Variants in KCNJ3 observed in about 807,000 individuals in gnomAD.
KCNJ3 encodes the protein potassium inwardly rectifying channel subfamily J member 3, also known as G protein-activated inward rectifier potassium channel 1.
Under a neutral mutation model 39.2 loss-of-function variants are expected in KCNJ3, and 4 were observed. The observed-to-expected ratio is 0.10, with a 90% CI of 0.05 to 0.23. KCNJ3 has a LOEUF of 0.23. KCNJ3 is among the 10% of genes least tolerant of loss of function. The pLI, the probability that KCNJ3 is intolerant of heterozygous loss-of-function variation, is 1.00. For missense variants in KCNJ3, 276 were observed against 634.9 expected (o/e 0.43, Z 6.08); for synonymous variants, 230 against 237.4 (o/e 0.97, Z 0.29).
At chr2:154,758,037 G>A (rs968166706) in intron 2 of KCNJ3, among the ~76,000 whole-genome samples, 1 of 149,892 alleles carries the variant, frequency 6.7e-6, no homozygotes, top group African/African-American at 2.5e-5. Flanking sequence ...GAAGTACTCA[G>A]CATTTCAAAT....
At chr2:154,748,966 C>T (rs766452682) in intron 2 of KCNJ3, among the ~76,000 whole-genome samples, 63 of 152,254 alleles carry the variant, frequency 4.1e-4, no homozygotes, top group Non-Finnish European at 7.5e-4. Context: ...GCTGACCTGA[C>T]TTATTGCAAT....
chr2:154,843,002 C>G (rs1687602112), intron 2 of KCNJ3, among the ~76,000 whole-genome samples: 1 of 152,104 alleles, frequency 6.6e-6, no homozygotes, highest in African/African-American at 2.4e-5. Flanking sequence ...GCTTATTTTG[C>G]CCATTAATTG....
chr2:154,789,940 G>A (rs1686597556), intron 2 of KCNJ3, among the ~76,000 whole-genome samples: 1 of 152,026 alleles, frequency 6.6e-6, no homozygotes, highest in Non-Finnish European at 1.5e-5. Flanking sequence ...TCTTTAATAG[G>A]AATATGATGT....
In KCNJ3 at chr2:154,699,498, C is replaced by T; in HGVS notation, c.702+21C>T. 1 of 1,546,490 alleles carries T rather than the reference C, an allele frequency of 6.5e-7. No individual in the cohort carries two copies. Among genetic ancestry groups the T allele is most frequent in the Non-Finnish European group, 8.7e-7 (1 of 1,150,816 alleles). ...TCAAAGTAAGTGCTCCCCGCCCCTT[C>T]CCCACCGGGAGACCTGCGTCCCCCA... On this transcript the variant is annotated intron_variant, in intron 1 of 2. Transcript: ENST00000295101. This position sits in a 1 kb window ranked among gnomAD's most constrained non-coding sequence, Gnocchi z 6.4.
intron 2 of KCNJ3, among the ~76,000 whole-genome samples, chr2:154,734,743 T>C (rs1458913446): frequency 3.3e-5 from 5 of 152,126 alleles, no homozygotes; most frequent in African/African-American, 1.2e-4. Context: ...CACATCCCTA[T>C]TGATATAGAA....
chr2:154,798,188 G>GCGCA (rs1686753295), intron 2 of KCNJ3, among the ~76,000 whole-genome samples: 1 of 114,760 alleles, frequency 8.7e-6, no homozygotes, highest in African/African-American at 3.1e-5. Flanking sequence ...TTCGAACACC[G>GCGCA]CACACACACA....
intron 2 of KCNJ3, among the ~76,000 whole-genome samples, chr2:154,818,910 G>T (rs1687123419): frequency 8.5e-6 from 1 of 117,486 alleles, no homozygotes; most frequent in African/African-American, 3.1e-5. Flanking sequence ...AGCTGTAGCT[G>T]CAAAAGCCTT....
intron 2 of KCNJ3, among the ~76,000 whole-genome samples, chr2:154,728,868 G>A (rs1309273603): frequency 6.6e-6 from 1 of 151,816 alleles, no homozygotes; most frequent in Non-Finnish European, 1.5e-5. Flanking sequence ...TTTTTTAGTG[G>A]GAAAGGGAAG....
At chr2:154,701,082 G>A (rs1419844915) in intron 1 of KCNJ3, among the ~76,000 whole-genome samples, 1 of 152,082 alleles carries the variant, frequency 6.6e-6, no homozygotes, top group Non-Finnish European at 1.5e-5. Context: ...AGATCAAGCT[G>A]GGCAGTTGTG....
chr2:154,852,918 C>G (rs964000211), intron 2 of KCNJ3, among the ~76,000 whole-genome samples: 2 of 151,820 alleles, frequency 1.3e-5, no homozygotes, highest in African/African-American at 4.8e-5. Flanking sequence ...TAAGTGATAA[C>G]TGAGTTCATA....
At chr2:154,818,918 C>CTTTTTTTTTTTTTTT (rs57668487) in intron 2 of KCNJ3, among the ~76,000 whole-genome samples, 17 of 52,434 alleles carry the variant, frequency 3.2e-4, no homozygotes, top group East Asian at 8.2e-4. Flanking sequence ...CTGCAAAAGC[C>CTTTTTTTTTTTTTTT]TTTTTTTTTT....
chr2:154,707,851 G>A (rs555088584), intron 1 of KCNJ3, among the ~76,000 whole-genome samples: 8 of 152,126 alleles, frequency 5.3e-5, no homozygotes, highest in Admixed American at 2.0e-4. Flanking sequence ...TTTTGTGTCC[G>A]GCATTTATTT....
chr2:154,850,888 A>G (rs1346905375), intron 2 of KCNJ3, among the ~76,000 whole-genome samples: 4 of 152,178 alleles, frequency 2.6e-5, no homozygotes, highest in East Asian at 1.9e-4. Context: ...AAAGTTGGAA[A>G]TATCAGTAAT....
chr2:154,816,419 A>G (rs1419885175), intron 2 of KCNJ3, among the ~76,000 whole-genome samples: 1 of 152,190 alleles, frequency 6.6e-6, no homozygotes, highest in East Asian at 1.9e-4. Context: ...TTTATGCAAC[A>G]TGCATTTTAG....
At chr2:154,782,047 T>C (rs1170567936) in intron 2 of KCNJ3, among the ~76,000 whole-genome samples, 1 of 152,190 alleles carries the variant, frequency 6.6e-6, no homozygotes, top group Non-Finnish European at 1.5e-5. Flanking sequence ...GATATTGAGG[T>C]GTATACAATT....
intron 2 of KCNJ3, among the ~76,000 whole-genome samples, chr2:154,711,733 T>A (rs1344053026): frequency 6.6e-6 from 1 of 152,140 alleles, no homozygotes; most frequent in East Asian, 1.9e-4. Context: ...CATGGCATCT[T>A]AAGGGAATAT....
rs141631387 is a variant in KCNJ3, at chr2:154,825,541, ATTATTTATTTATTTATTTATTTAT to A, written c.920-29164_920-29141del. Among the ~76,000 whole-genome samples the A allele has an allele frequency of 7.9e-3, 1,138 of 144,188 alleles. 11 individuals carry two copies. Among genetic ancestry groups the A allele is most frequent in the Non-Finnish European group, 0.012 (787 of 66,100 alleles). 94.6% of individuals were successfully genotyped at this position (144,188 alleles called of 152,430 possible). ...GTTCAGGACCCCAAGAACTCATGAA[ATTATTTATTTATTTATTTATTTAT>A]TTATTTATTTATTTATTTATTATTT... On this transcript the variant is annotated intron_variant, in intron 2 of 2. Transcript: ENST00000295101.
chr2:154,745,920 T>C (rs973605617), intron 2 of KCNJ3, among the ~76,000 whole-genome samples: 4 of 151,992 alleles, frequency 2.6e-5, no homozygotes, highest in South Asian at 2.1e-4. Flanking sequence ...TTCTTACTGC[T>C]AGGCAGGGGT....
chr2:154,811,761 C>G (rs1270763524), intron 2 of KCNJ3, among the ~76,000 whole-genome samples: 1 of 152,148 alleles, frequency 6.6e-6, no homozygotes, highest in Non-Finnish European at 1.5e-5. Flanking sequence ...GTGTGTTTTT[C>G]AGCCATCTTA....
Sources: gnomAD v4.1 joint callset for allele counts (sites outside exome capture counted in the v4.1 genomes callset) on GRCh38, gnomAD v4.1.1 for gene constraint, Gnocchi (gnomAD v3.1) non-coding constraint, MANE v1.5 for transcripts, NCBI Gene and HGNC (gene_info 2026-07-23, HGNC 2026-07-21) for gene names.